The following PKNOX2 variants were observed in gnomAD, a reference collection of about 807,000 sequenced individuals.
PKNOX2 encodes homeobox protein PKNOX2.
A neutral mutation model predicts 53.1 loss-of-function variants in PKNOX2; 14 were observed. That is an observed-to-expected ratio of 0.26 (90% CI 0.17 to 0.41). PKNOX2 has a LOEUF of 0.41. Among genes scored for constraint, PKNOX2 ranks in the 10% least tolerant of loss-of-function variants. PKNOX2 has a pLI of 1.00. For missense variants in PKNOX2, 496 were observed against 602.8 expected, an observed-to-expected ratio of 0.82 and a Z score of 1.85; for synonymous variants, 257 against 242.8, an observed-to-expected ratio of 1.06 and a Z score of -0.54.
intron 2 of PKNOX2, among the ~76,000 whole-genome samples, chr11:125,322,661 G>A (rs1183538541): frequency 6.6e-6 from 1 of 152,176 alleles, no homozygotes; most frequent in African/African-American, 2.4e-5. Context: ...GCAGATACTT[G>A]GCTGCAGAGC....
chr11:125,262,544 T>G (rs1395246628), intron 2 of PKNOX2, among the ~76,000 whole-genome samples: 3 of 151,942 alleles, frequency 2.0e-5, no homozygotes, highest in African/African-American at 7.3e-5. Flanking sequence ...TGGCAGGAGA[T>G]GCCTCCCAGA....
At chr11:125,360,767 C>T (rs1232289553) in intron 4 of PKNOX2, among the ~76,000 whole-genome samples, 2 of 152,204 alleles carry the variant, frequency 1.3e-5, no homozygotes, top group African/African-American at 4.8e-5. Flanking sequence ...TAACAATAAC[C>T]GCCATATGCT....
chr11:125,398,031 C>A lies in PKNOX2; in HGVS notation c.557C>A (p.Pro186His). The change falls in exon 7 of 13, where the codon CCC becomes CAC. Residue 186 changes from proline to histidine, a missense_variant. This residue lies in a region of PKNOX2 where 141 missense variants were observed against 143.9 expected (regional missense o/e 0.98). Transcript: ENST00000298282. ...LRNDLGGPYSPNQPSINLHSQ... is the reference protein window; with the variant it reads ...LRNDLGGPYSHNQPSINLHSQ... ...AATGATCTAGGGGGGCCCTACTCCC[C>A]CAACCAGCCCTCCATCAACCTTCAC... 1 of 1,612,900 alleles carries A rather than the reference C, an allele frequency of 6.2e-7. No individual in the cohort carries two copies. The highest frequency in any genetic ancestry group is 8.5e-7 in the Non-Finnish European group (1 of 1,179,358).
chr11:125,384,589 C>G (rs1034401384), intron 5 of PKNOX2, among the ~76,000 whole-genome samples: 4 of 152,130 alleles, frequency 2.6e-5, no homozygotes, highest in Admixed American at 6.5e-5. Flanking sequence ...GAGGCTGAGA[C>G]AGGAGAATGG....
intron 5 of PKNOX2, among the ~76,000 whole-genome samples, chr11:125,371,200 G>T (rs372416927): frequency 1.3e-5 from 2 of 152,188 alleles, no homozygotes; most frequent in East Asian, 3.8e-4. Context: ...TCAGATTAAT[G>T]ATTGCAGTCT....
At chr11:125,313,364 C>A (rs1297666003) in intron 2 of PKNOX2, among the ~76,000 whole-genome samples, 1 of 152,186 alleles carries the variant, frequency 6.6e-6, no homozygotes, top group African/African-American at 2.4e-5. Context: ...TTCAGTTCTG[C>A]ATCTGAACTC....
At chr11:125,317,624 G>A (rs900442349) in intron 2 of PKNOX2, among the ~76,000 whole-genome samples, 12 of 152,196 alleles carry the variant, frequency 7.9e-5, no homozygotes, top group African/African-American at 2.7e-4. Context: ...CTGAGCAGTA[G>A]GTCTCAACGT....
chr11:125,366,170 G>C (rs1952179181), intron 4 of PKNOX2, among the ~76,000 whole-genome samples: 1 of 152,190 alleles, frequency 6.6e-6, no homozygotes, highest in Admixed American at 6.5e-5. Context: ...GAAAATAGGA[G>C]CTTAGGAAAG....
intron 2 of PKNOX2, among the ~76,000 whole-genome samples, chr11:125,272,883 A>G (rs1432826025): frequency 6.6e-6 from 1 of 152,232 alleles, no homozygotes; most frequent in South Asian, 2.1e-4. Context: ...TGTTTCAGGC[A>G]GTGACAGAAG....
intron 1 of PKNOX2, among the ~76,000 whole-genome samples, chr11:125,172,976 TTTC>T (rs1955437499): frequency 6.6e-6 from 1 of 152,162 alleles, no homozygotes; most frequent in Non-Finnish European, 1.5e-5. Flanking sequence ...AGCATTTACT[TTTC>T]TTGTTGAGAC....
chr11:125,274,875 A>T (rs1239178674), intron 2 of PKNOX2, among the ~76,000 whole-genome samples: 1 of 152,188 alleles, frequency 6.6e-6, no homozygotes, highest in Admixed American at 6.5e-5. Context: ...TGCATCTATT[A>T]TGTGCTGATT....
chr11:125,398,061 A>G lies in PKNOX2; in HGVS notation c.587A>G (p.Gln196Arg). 1.9e-6 allele frequency: 3 copies of G among 1,609,714 alleles called. No individual in the cohort carries two copies. The highest frequency in any genetic ancestry group is 2.5e-6 in the Non-Finnish European group (3 of 1,177,754). The change falls in exon 7 of 13, where the codon CAG (glutamine) becomes CGG (arginine). Residue 196 changes from glutamine (Q) to arginine (R), a missense_variant and splice_region_variant. Gln to Arg is a conservative substitution (Grantham distance 43). Transcript: ENST00000298282. ...PNQPSINLHS[Q>R]DLLQNSPNSM... is the part of the protein sequence containing the mutation. The stretch of plus-strand genomic sequence containing the variant: ...CAGCCCTCCATCAACCTTCACTCAC[A>G]GGTAACACCCAGAGCTGGGTCCCAT...
intron 1 of PKNOX2, among the ~76,000 whole-genome samples, chr11:125,224,392 C>A (rs1016193872): frequency 1.6e-4 from 24 of 152,232 alleles, no homozygotes; most frequent in African/African-American, 5.8e-4. Context: ...TCTGCTGGAG[C>A]CCCTCGGAGG....
chr11:125,405,783 C>A (rs1296916510), intron 7 of PKNOX2, among the ~76,000 whole-genome samples: 2 of 152,200 alleles, frequency 1.3e-5, no homozygotes, highest in Non-Finnish European at 2.9e-5. Context: ...CAATCAACAG[C>A]ACACAAGGAA....
At chr11:125,193,636 C>T (rs911703455) in intron 1 of PKNOX2, among the ~76,000 whole-genome samples, 1 of 152,168 alleles carries the variant, frequency 6.6e-6, no homozygotes, top group Non-Finnish European at 1.5e-5. Flanking sequence ...ACCTGGACCC[C>T]ACCCTGCCTC....
At chr11:125,411,612 G>C in intron 9 of PKNOX2, 134 bp from the exon 10 acceptor site, 1 of 1,426,572 alleles carries the variant, frequency 7.0e-7, no homozygotes, top group Non-Finnish European at 9.7e-7. Context: ...AGAGGGAAAG[G>C]TGACCTCCCC....
intron 10 of PKNOX2, among the ~76,000 whole-genome samples, chr11:125,420,909 G>A (rs1215853466): frequency 6.6e-6 from 1 of 152,154 alleles, no homozygotes; most frequent in Non-Finnish European, 1.5e-5. Flanking sequence ...TTCTGACCCT[G>A]AAAGCAGAGA....
intron 5 of PKNOX2, among the ~76,000 whole-genome samples, chr11:125,374,729 G>C (rs946633641): frequency 7.2e-5 from 11 of 152,178 alleles, no homozygotes; most frequent in African/African-American, 2.7e-4. Flanking sequence ...AAAGATCCAG[G>C]AGTCCTGAAA....
intron 1 of PKNOX2, among the ~76,000 whole-genome samples, chr11:125,189,486 T>C (rs1364543579): frequency 8.5e-6 from 1 of 117,532 alleles, no homozygotes; most frequent in Non-Finnish European, 1.7e-5. Context: ...TATATATATA[T>C]ATATACAAAA....
Sources: allele counts gnomAD v4.1 joint callset (sites outside exome capture counted in the v4.1 genomes callset), GRCh38; gene constraint gnomAD v4.1.1; regional missense constraint gnomAD v4.1.1; transcripts MANE v1.5; gene names NCBI Gene and HGNC (gene_info 2026-07-23, HGNC 2026-07-21).